The following ELF2 variants were observed in gnomAD, a reference collection of about 807,000 sequenced individuals.
ELF2 encodes the protein ETS-related transcription factor Elf-2.
In ELF2, 11 loss-of-function variants were observed where a neutral mutation model predicts 54.8. That is an observed-to-expected ratio of 0.20 (90% CI 0.13 to 0.33). The LOEUF is 0.33. Among genes scored for constraint, ELF2 ranks in the 10% least tolerant of loss-of-function variants. ELF2 has a pLI of 1.00. For synonymous variants in ELF2, 203 were observed against 245.1 expected (o/e 0.83, Z 1.61); for missense variants, 513 against 703.0 (o/e 0.73, Z 3.06).
At chr4:139,164,341 A>G (rs1224986711) in intron 1 of ELF2, among the ~76,000 whole-genome samples, 4 of 152,318 alleles carry the variant, frequency 2.6e-5, no homozygotes, top group African/African-American at 9.6e-5. Context: ...AGTCTTTCTA[A>G]AAGTTTAGCT....
chr4:139,130,822 A>T (rs958674022), intron 3 of ELF2, among the ~76,000 whole-genome samples: 4 of 152,210 alleles, frequency 2.6e-5, no homozygotes, highest in African/African-American at 9.6e-5. Flanking sequence ...TTTTAATATT[A>T]ACAGGTATTT....
At chr4:139,074,096 C>G (rs1729923595) in intron 4 of ELF2, among the ~76,000 whole-genome samples, 1 of 152,114 alleles carries the variant, frequency 6.6e-6, no homozygotes. Flanking sequence ...CCACTGCGCT[C>G]CAGCCTGGGC....
chr4:139,132,704 A>G (rs1737620113), intron 3 of ELF2, among the ~76,000 whole-genome samples: 2 of 151,834 alleles, frequency 1.3e-5, no homozygotes, highest in African/African-American at 4.8e-5. Context: ...TAATGCTCCT[A>G]TGAACATCCT....
chr4:139,062,972 T>C (rs1038932032), intron 7 of ELF2, among the ~76,000 whole-genome samples: 6 of 152,210 alleles, frequency 3.9e-5, no homozygotes, highest in East Asian at 1.9e-4. Flanking sequence ...AACATTACTG[T>C]TGGCGGGGTG....
intron 1 of ELF2, among the ~76,000 whole-genome samples, chr4:139,154,257 G>A (rs1221378019): frequency 2.0e-5 from 3 of 152,136 alleles, no homozygotes; most frequent in Admixed American, 1.3e-4. Context: ...GTAATTACCT[G>A]ATGTTGGGCA....
At chr4:139,097,874 T>C (rs1427623068) in intron 4 of ELF2, among the ~76,000 whole-genome samples, 2 of 152,276 alleles carry the variant, frequency 1.3e-5, no homozygotes, top group East Asian at 1.9e-4. Context: ...AGTGCCACCA[T>C]GCCCAGCTAA....
chr4:139,113,357 C>CAAAAT (rs1408762442), intron 4 of ELF2, among the ~76,000 whole-genome samples: 1 of 151,688 alleles, frequency 6.6e-6, no homozygotes, highest in Non-Finnish European at 1.5e-5. Context: ...GACCCTGTCT[C>CAAAAT]AAAATAAAAT....
At chr4:139,149,023 A>G (rs895333817) in intron 1 of ELF2, among the ~76,000 whole-genome samples, 3 of 152,244 alleles carry the variant, frequency 2.0e-5, no homozygotes, top group Non-Finnish European at 2.9e-5. Flanking sequence ...CTCAAAAACA[A>G]GATATTTTAA....
chr4:139,095,605 T>A (rs887867518), intron 4 of ELF2, among the ~76,000 whole-genome samples: 3 of 152,236 alleles, frequency 2.0e-5, no homozygotes, highest in African/African-American at 7.2e-5. Flanking sequence ...ATTACATGAG[T>A]ATTCTCCTTT....
chr4:139,059,018 T>C lies in ELF2; in HGVS notation c.1747A>G (p.Met583Val), dbSNP rs765685896. 13 of 1,613,302 alleles carry C rather than the reference T, an allele frequency of 8.1e-6. No individual in the cohort carries two copies. In the South Asian group the frequency reaches 9.9e-5, roughly 12 times the overall value. ...APSAIALPVTMKTEGLVTCEK is the reference protein window; with the variant it reads ...APSAIALPVTVKTEGLVTCEK Reference sequence around the variant, plus strand: ...CATGTCACTAGTCCTTCTGTTTTCATAGTTACAGGAAGGGCAATAGCTGAA... The same window carrying C: ...CATGTCACTAGTCCTTCTGTTTTCACAGTTACAGGAAGGGCAATAGCTGAA... The change falls in exon 10 of 10, where the codon ATG becomes GTG. Residue 583 changes from methionine to valine, a missense_variant. Met to Val is a conservative substitution (Grantham distance 21). This residue lies in a region of ELF2 where 291 missense variants were observed against 366.1 expected (regional missense o/e 0.79). Coordinates refer to ENST00000686138, the MANE Select transcript of ELF2 (RefSeq NM_001331036.3).
At chr4:139,093,034 C>G (rs530434070) in intron 4 of ELF2, among the ~76,000 whole-genome samples, 302 of 149,046 alleles carry the variant, frequency 2.0e-3, no homozygotes, top group Non-Finnish European at 1.9e-3. Context: ...GGCGCAATCT[C>G]GGCTCACTGC....
chr4:139,069,500 G>A (rs906117336), intron 6 of ELF2, among the ~76,000 whole-genome samples: 1 of 152,064 alleles, frequency 6.6e-6, no homozygotes, highest in Non-Finnish European at 1.5e-5. Flanking sequence ...TAGCACAAAA[G>A]CCCAACTTAG....
At chr4:139,061,445 C>A (rs1727845827) in intron 8 of ELF2, among the ~76,000 whole-genome samples, 1 of 152,080 alleles carries the variant, frequency 6.6e-6, no homozygotes, top group Non-Finnish European at 1.5e-5. Context: ...ACAGTTCTGG[C>A]ATTATAGGCG....
At chr4:139,176,456 C>G (rs756768263) in intron 1 of ELF2, among the ~76,000 whole-genome samples, 17 of 151,894 alleles carry the variant, frequency 1.1e-4, no homozygotes, top group Non-Finnish European at 2.2e-4. Flanking sequence ...CCGCCCCGAG[C>G]TCGCCGCCCA....
intron 4 of ELF2, among the ~76,000 whole-genome samples, chr4:139,106,057 G>A (rs1374355598): frequency 6.6e-6 from 1 of 152,152 alleles, no homozygotes; most frequent in Non-Finnish European, 1.5e-5. Context: ...GTATGCTTAA[G>A]TTTAAGAACC....
chr4:139,158,100 C>T lies in ELF2; in HGVS notation c.-251-18603G>A, dbSNP rs368974393. ...CAGAGAAGGGAGATAGGGGTGGGAA[C>T]GTTTTATAGGATTTGGGTAGGTAAT... On this transcript the variant is annotated intron_variant, in intron 1 of 9. Coordinates refer to ENST00000686138, the MANE Select transcript of ELF2 (RefSeq NM_001331036.3). Among the ~76,000 whole-genome samples, 18 of 151,722 alleles carry T rather than the reference C, an allele frequency of 1.2e-4. No homozygotes were observed. In the East Asian group the frequency reaches 1.7e-3, roughly 15 times the overall value.
chr4:139,123,298 GAAGTA>G (rs1379983793), intron 4 of ELF2, among the ~76,000 whole-genome samples: 10 of 151,082 alleles, frequency 6.6e-5, no homozygotes, highest in Admixed American at 6.6e-5. Flanking sequence ...TTTTTGTGTT[GAAGTA>G]AATTTTAAAA....
chr4:139,172,811 A>G (rs1314384005), intron 1 of ELF2, among the ~76,000 whole-genome samples: 1 of 141,144 alleles, frequency 7.1e-6, no homozygotes, highest in Non-Finnish European at 1.5e-5. Context: ...GAAAAAAATA[A>G]TATATGGTTC....
intron 4 of ELF2, among the ~76,000 whole-genome samples, chr4:139,114,532 C>A (rs1735329917): frequency 8.1e-6 from 1 of 123,380 alleles, no homozygotes; most frequent in African/African-American, 2.9e-5. Context: ...CACTGCACTC[C>A]AGCCTGGCAA....
Sources: allele counts gnomAD v4.1 joint callset (sites outside exome capture counted in the v4.1 genomes callset), GRCh38; gene constraint gnomAD v4.1.1; regional missense constraint gnomAD v4.1.1; transcripts MANE v1.5; gene names NCBI Gene and HGNC (gene_info 2026-07-23, HGNC 2026-07-21).